Variants in ANK1 observed in about 807,000 individuals in gnomAD.
ANK1 encodes the protein ankyrin-1.
In ANK1, 51 loss-of-function variants were observed where a neutral mutation model predicts 210.4. The observed-to-expected ratio is 0.24, with a 90% CI of 0.19 to 0.31. The LOEUF is 0.31. Ranked by LOEUF, ANK1 falls within the 10% of genes least tolerant of loss-of-function variation. The pLI is 1.00. For synonymous variants in ANK1, 967 were observed against 1,025.9 expected (o/e 0.94, Z 1.10); for missense variants, 2,051 against 2,504.4 (o/e 0.82, Z 3.86).
Position 41,694,793 on chromosome 8 carries a change from G to T in ANK1, c.3126C>A (p.Ser1042Arg). The T allele has an allele frequency of 6.2e-7, 1 of 1,614,040 alleles. No individual in the cohort carries two copies. The highest frequency in any genetic ancestry group is 2.2e-5 in the East Asian group (1 of 44,878). Residue 1042 changes from serine to arginine, a missense_variant, in exon 28 of 43, where the codon AGC (serine) becomes AGA (arginine). By Grantham distance (110) the Ser-to-Arg change is moderately radical (BLOSUM62 -1). Transcript: ENST00000289734. The surrounding 1 kb of genome is among the most constrained non-coding windows in gnomAD (Gnocchi z 5.7). ...ILNGMDEELG[S>R]LEELEKKRVC... Reference sequence around the variant, plus strand: ...CCCTCTTCTTCTCTAGCTCCTCCAGGCTCCCCAGCTCTGGAATCACACACA... The same window carrying T: ...CCCTCTTCTTCTCTAGCTCCTCCAGTCTCCCCAGCTCTGGAATCACACACA...
chr8:41,805,508 G>A (rs76655086), intron 1 of ANK1, among the ~76,000 whole-genome samples: 3,135 of 151,972 alleles, frequency 0.021, 120 homozygotes, highest in African/African-American at 0.069. Context: ...CAGCTTCCCC[G>A]AGTACTAAGA....
intron 1 of ANK1, among the ~76,000 whole-genome samples, chr8:41,833,871 G>C (rs1292535258): frequency 6.6e-6 from 1 of 152,190 alleles, no homozygotes; most frequent in Non-Finnish European, 1.5e-5. Flanking sequence ...TGCAGGATTG[G>C]ACTAAGAGCC....
intron 2 of ANK1, among the ~76,000 whole-genome samples, chr8:41,756,122 CATTTTATTTATTTATTTATTT>C (rs1018645526): frequency 6.6e-6 from 1 of 152,030 alleles, no homozygotes; most frequent in African/African-American, 2.4e-5. Flanking sequence ...TAGTATTTTG[CATTTTATTTATTTATTTATTT>C]ATTTTATTTA....
intron 1 of ANK1, among the ~76,000 whole-genome samples, chr8:41,872,424 A>C (rs1413739933): frequency 6.6e-6 from 1 of 152,230 alleles, no homozygotes; most frequent in African/African-American, 2.4e-5. Flanking sequence ...TCAGAGTCCA[A>C]AGAGTGCCAG....
Position 41,715,792 on chromosome 8 carries a change from G to C in ANK1, c.1462C>G (p.Leu488Val), listed in dbSNP as rs760400901. Residue 488 changes from leucine to valine, a missense_variant, in exon 14 of 43, where the codon CTC becomes GTC. Leu to Val is a conservative substitution (Grantham distance 32, BLOSUM62 1). Transcript: ENST00000289734. ...GGGTTGGCGTTATTTTCCAGCAGGA[G>C]CTTCACCATGTTTGTGTGGCCGATG... ...ARIGHTNMVK[L>V]LLENNANPNL... 3.7e-6 allele frequency: 6 copies of C among 1,614,134 alleles called. No homozygotes were observed. The African/African-American group carries it at 8.0e-5, about 22-fold the overall frequency.
At chr8:41,663,969 A>G (rs1381563410) in intron 39 of ANK1, 12 of 639,976 alleles carry the variant, frequency 1.9e-5, no homozygotes, top group African/African-American at 1.3e-4. Flanking sequence ...CGAGCTCACA[A>G]TTGTGCACTT....
intron 1 of ANK1, among the ~76,000 whole-genome samples, chr8:41,867,615 C>A (rs1043788947): frequency 6.6e-6 from 1 of 152,062 alleles, no homozygotes; most frequent in Non-Finnish European, 1.5e-5. Flanking sequence ...CACCCGGCAG[C>A]ACCCATGCCA....
At chr8:41,754,085 T>C (rs1343157429) in intron 2 of ANK1, among the ~76,000 whole-genome samples, 1 of 152,200 alleles carries the variant, frequency 6.6e-6, no homozygotes, top group East Asian at 1.9e-4. Flanking sequence ...GCATATCTGT[T>C]TGTGTCATTA....
Position 41,653,900 on chromosome 8 carries a change from G to C in ANK1, c.*1890C>G, listed in dbSNP as rs1804855752. 6.6e-6 allele frequency: 1 copy of C among 152,192 alleles called. No individual in the cohort carries two copies. The highest frequency in any genetic ancestry group is 6.5e-5 in the Admixed American group (1 of 15,288). The allele number at this position is 152,192 out of a possible 1,614,324, so 9.4% of individuals were successfully genotyped here. ...AGGAAGCAAAAGCAGCCCCACCCCCGGCCGACAAGGCGCCTAGGCCGCCCC... is the reference window on the plus strand; with the variant it reads ...AGGAAGCAAAAGCAGCCCCACCCCCCGCCGACAAGGCGCCTAGGCCGCCCC... On this transcript the variant is annotated 3_prime_UTR_variant, in exon 43 of 43. Transcript: ENST00000289734.
intron 1 of ANK1, among the ~76,000 whole-genome samples, chr8:41,767,692 C>T (rs1490311003): frequency 1.3e-5 from 2 of 152,118 alleles, no homozygotes; most frequent in Non-Finnish European, 2.9e-5. Context: ...GGTGCAGCCC[C>T]AGCTGCAGGT....
At position 41,694,138 on chromosome 8, in the gene ANK1, G is replaced by A; in HGVS notation, c.3328-36C>T. On this transcript the variant is annotated intron_variant, in intron 28 of 42. Coordinates refer to ENST00000289734, the MANE Select transcript of ANK1 (RefSeq NM_000037.4). The surrounding 1 kb of genome is among the most constrained non-coding windows in gnomAD (Gnocchi z 5.7). ...ACAGAGGCAGGACACTCAGGCCCAA[G>A]CAGGAGAGGGGCTAATCAGACGGGA... 1 of 1,597,070 alleles carries A rather than the reference G, an allele frequency of 6.3e-7. No individual in the cohort carries two copies. The highest frequency in any genetic ancestry group is 1.3e-5 in the African/African-American group (1 of 74,736).
chr8:41,769,632 A>G (rs543789602), intron 1 of ANK1, among the ~76,000 whole-genome samples: 2 of 152,342 alleles, frequency 1.3e-5, no homozygotes, highest in South Asian at 4.1e-4. Context: ...TTGAGGATTA[A>G]TTGACACACT....
chr8:41,802,488 C>G (rs534975939), upstream of ANK1, among the ~76,000 whole-genome samples: 22 of 152,294 alleles, frequency 1.4e-4, no homozygotes, highest in South Asian at 2.1e-3. Context: ...GAGAGGAGAA[C>G]TCTCTCCTAT....
intron 1 of ANK1, among the ~76,000 whole-genome samples, chr8:41,842,301 G>A (rs1393252772): frequency 1.3e-5 from 2 of 152,108 alleles, no homozygotes; most frequent in Admixed American, 6.5e-5. Context: ...GACCAGCCTG[G>A]CCAACATAGT....
chr8:41,808,232 C>G (rs1362055163), intron 1 of ANK1, among the ~76,000 whole-genome samples: 7 of 152,204 alleles, frequency 4.6e-5, no homozygotes, highest in African/African-American at 1.4e-4. Context: ...CTGATCACAC[C>G]CAAGCTCCCA....
chr8:41,825,620 G>T (rs1451972082), intron 1 of ANK1, among the ~76,000 whole-genome samples: 1 of 152,224 alleles, frequency 6.6e-6, no homozygotes, highest in East Asian at 1.9e-4. Flanking sequence ...GGTGGAGACT[G>T]CACAGCGTGG....
chr8:41,717,568 C>G, intron 12 of ANK1, 36 bp downstream of exon 12: 1 of 1,530,178 alleles, frequency 6.5e-7, no homozygotes, highest in South Asian at 1.2e-5. Flanking sequence ...AGCTCTTGGT[C>G]TAGGGGAGCA....
chr8:41,890,407 A>G (rs1050289952), intron 1 of ANK1, among the ~76,000 whole-genome samples: 14 of 152,232 alleles, frequency 9.2e-5, no homozygotes, highest in Admixed American at 2.6e-4. Flanking sequence ...GCCTTTCTCA[A>G]AAAAACAAAC....
At chr8:41,716,186 G>A (rs567322465) in intron 13 of ANK1, among the ~76,000 whole-genome samples, 7 of 152,256 alleles carry the variant, frequency 4.6e-5, no homozygotes, top group African/African-American at 1.7e-4. Flanking sequence ...TGGTTTCTGC[G>A]TTTGGTGCAT....
Sources: allele counts gnomAD v4.1 joint callset (sites outside exome capture counted in the v4.1 genomes callset), GRCh38; gene constraint gnomAD v4.1.1; non-coding constraint Gnocchi (gnomAD v3.1); transcripts MANE v1.5; gene names NCBI Gene and HGNC (gene_info 2026-07-23, HGNC 2026-07-21).